The following DCDC1 variants were observed in gnomAD, a reference collection of about 807,000 sequenced individuals.
DCDC1 encodes doublecortin domain-containing protein 1.
Under a neutral mutation model 178.3 loss-of-function variants are expected in DCDC1, and 200 were observed. The ratio of observed to expected loss-of-function variants is 1.12; its 90% CI spans 1.00 to 1.26. The LOEUF is 1.26. Among genes scored for constraint, DCDC1 ranks in the 50% most tolerant of loss-of-function variants. The probability of loss-of-function intolerance (pLI) is 0.00; values close to 1 mark genes in which losing one functional copy is unlikely to be tolerated. For synonymous variants in DCDC1, 690 were observed against 604.8 expected (o/e 1.14, Z -2.07); for missense variants, 1,983 against 1,749.2 (o/e 1.13, Z -2.38).
At chr11:30,878,104 G>A (rs1942306441) in intron 38 of DCDC1, among the ~76,000 whole-genome samples, 1 of 151,970 alleles carries the variant, frequency 6.6e-6, no homozygotes, top group Non-Finnish European at 1.5e-5. Context: ...GCCTTTCCAG[G>A]AACAAACTTG....
At chr11:31,251,070 T>C (rs1197087423) in intron 8 of DCDC1, among the ~76,000 whole-genome samples, 4 of 152,146 alleles carry the variant, frequency 2.6e-5, no homozygotes, top group African/African-American at 9.7e-5. Flanking sequence ...TTTTATACTA[T>C]TTTACAATAT....
Position 31,055,926 on chromosome 11 carries a change from C to T in DCDC1, c.2591+8543G>A, listed in dbSNP as rs1169469341. ...TACACTGCTCGCGTGATGGGTGCAC[C>T]AAAATCTCACAAATCACCACTAAAG... On this transcript the variant is annotated intron_variant, in intron 20 of 38. Transcript: ENST00000684477. 3.9e-5 allele frequency among the ~76,000 whole-genome samples: 6 copies of T among 152,020 alleles called. No homozygotes were observed. The South Asian group carries it at 8.3e-4, about 21-fold the overall frequency.
chr11:31,048,378 G>A (rs289088), intron 20 of DCDC1, among the ~76,000 whole-genome samples: 5,190 of 152,174 alleles, frequency 0.034, 284 homozygotes, highest in African/African-American at 0.12. Flanking sequence ...ATCCTGATAC[G>A]AAATTCACCA....
chr11:31,157,473 A>G (rs74713491), intron 9 of DCDC1, among the ~76,000 whole-genome samples: 63 of 115,772 alleles, frequency 5.4e-4, no homozygotes, highest in African/African-American at 1.2e-3. Flanking sequence ...ATATATATAT[A>G]TGTGTGTGTG....
chr11:31,335,394 C>T (rs1056470712), intron 2 of DCDC1, 53 bp downstream of exon 2: 1 of 152,262 alleles, frequency 6.6e-6, no homozygotes, highest in Non-Finnish European at 1.5e-5. Context: ...TCAGCTTCCC[C>T]TCCGTGGGCT....
At chr11:31,298,943 C>T (rs1448485012) in intron 6 of DCDC1, among the ~76,000 whole-genome samples, 1 of 152,176 alleles carries the variant, frequency 6.6e-6, no homozygotes, top group African/African-American at 2.4e-5. Flanking sequence ...CTCTGACTGT[C>T]AAGTAGGTAT....
rs773244705 is a variant in DCDC1 at position 31,103,798 on chromosome 11, T to A, written c.1752-29A>T. The A allele has an allele frequency of 1.1e-5, 8 of 756,204 alleles. No individual in the cohort carries two copies. In the East Asian group the frequency reaches 1.9e-4, roughly 18 times the overall value. The allele number at this position is 756,204 out of a possible 1,614,324, so 46.8% of individuals were successfully genotyped here. A position where few individuals can be genotyped will look rare whatever the true frequency, so the allele number is the denominator to read the frequency against. ...AAAAACGGATAAAACATCAAAACTATCTTCAAAATTAGACATACATTGTAA... is the reference window on the plus strand; with the variant it reads ...AAAAACGGATAAAACATCAAAACTAACTTCAAAATTAGACATACATTGTAA... On this transcript the variant is annotated intron_variant, in intron 13 of 38. Coordinates refer to ENST00000684477, the MANE Select transcript of DCDC1 (RefSeq NM_001387274.1).
intron 9 of DCDC1, among the ~76,000 whole-genome samples, chr11:31,208,112 C>T (rs1200841528): frequency 1.3e-5 from 2 of 152,106 alleles, no homozygotes; most frequent in African/African-American, 4.8e-5. Context: ...TCAACCATTT[C>T]CATGGTTTTA....
intron 30 of DCDC1, among the ~76,000 whole-genome samples, chr11:30,906,103 C>G (rs531134199): frequency 6.6e-6 from 1 of 152,068 alleles, no homozygotes; most frequent in Non-Finnish European, 1.5e-5. Context: ...TACTATTAGA[C>G]ATAGACGTGT....
At chr11:31,021,992 T>A (rs1565192020) in intron 20 of DCDC1, among the ~76,000 whole-genome samples, 1 of 152,290 alleles carries the variant, frequency 6.6e-6, no homozygotes, top group East Asian at 1.9e-4. Flanking sequence ...ATCACTCCAG[T>A]CTTTATCCAG....
chr11:30,928,741 C>T (rs1590398021), intron 22 of DCDC1, among the ~76,000 whole-genome samples: 1 of 127,788 alleles, frequency 7.8e-6, no homozygotes, highest in Admixed American at 8.1e-5. Flanking sequence ...CATGTTATTA[C>T]ATAAATATTT....
At chr11:31,022,710 GTCTA>G (rs756459246) in intron 20 of DCDC1, among the ~76,000 whole-genome samples, 1 of 143,458 alleles carries the variant, frequency 7.0e-6, no homozygotes, top group East Asian at 2.0e-4. Context: ...CTATCTATAT[GTCTA>G]TCTACTCTTT....
At chr11:30,970,582 T>G (rs940003322) in intron 20 of DCDC1, among the ~76,000 whole-genome samples, 4 of 152,088 alleles carry the variant, frequency 2.6e-5, no homozygotes, top group Non-Finnish European at 5.9e-5. Flanking sequence ...TGGCAGTGAC[T>G]CCACCACCCC....
chr11:31,241,355 G>A (rs550765346), intron 9 of DCDC1, 95 bp downstream of exon 9: 9 of 391,244 alleles, frequency 2.3e-5, no homozygotes, highest in Admixed American at 4.4e-5. Flanking sequence ...ACATGTCACA[G>A]TTCTTTTATG....
chr11:30,957,225 G>A (rs1948821944), intron 20 of DCDC1, among the ~76,000 whole-genome samples: 1 of 152,098 alleles, frequency 6.6e-6, no homozygotes, highest in South Asian at 2.1e-4. Flanking sequence ...TATGCATAAT[G>A]TCTGACAATC....
chr11:31,024,539 T>C (rs879766437), intron 20 of DCDC1, among the ~76,000 whole-genome samples: 24 of 152,118 alleles, frequency 1.6e-4, no homozygotes, highest in South Asian at 4.1e-4. Flanking sequence ...TTCTTTTTTC[T>C]GTATTACAAA....
chr11:31,315,406 G>A (rs1209937738), intron 3 of DCDC1, among the ~76,000 whole-genome samples: 1 of 135,550 alleles, frequency 7.4e-6, no homozygotes, highest in Non-Finnish European at 1.5e-5. Flanking sequence ...GTACAGTCTC[G>A]GCTCACTGCA....
intron 18 of DCDC1, among the ~76,000 whole-genome samples, chr11:31,071,273 CA>C (rs1188452783): frequency 1.3e-5 from 2 of 152,126 alleles, no homozygotes; most frequent in Non-Finnish European, 2.9e-5. Flanking sequence ...TATATTCATA[CA>C]ATCTCATTGT....
intron 36 of DCDC1, among the ~76,000 whole-genome samples, chr11:30,885,073 T>C (rs1943042493): frequency 6.6e-6 from 1 of 151,994 alleles, no homozygotes; most frequent in Non-Finnish European, 1.5e-5. Flanking sequence ...ATACATACTT[T>C]ACATAACTTA....
Sources: gnomAD v4.1 joint callset for allele counts (sites outside exome capture counted in the v4.1 genomes callset) on GRCh38, gnomAD v4.1.1 for gene constraint, MANE v1.5 for transcripts, NCBI Gene and HGNC (gene_info 2026-07-23, HGNC 2026-07-21) for gene names.